ZMYND8: variants seen among roughly 807,000 people sequenced by gnomAD.
ZMYND8 encodes MYND-type zinc finger-containing chromatin reader ZMYND8.
Under a neutral mutation model 140.8 loss-of-function variants are expected in ZMYND8, and 37 were observed. That is an observed-to-expected ratio of 0.26 (90% CI 0.20 to 0.35). ZMYND8 has a LOEUF of 0.35. Among genes scored for constraint, ZMYND8 ranks in the 10% least tolerant of loss-of-function variants. The pLI, the probability that ZMYND8 is intolerant of heterozygous loss-of-function variation, is 1.00. For synonymous variants in ZMYND8, 592 were observed against 597.1 expected, an observed-to-expected ratio of 0.99 and a Z score of 0.12; for missense variants, 1,068 against 1,570.0, an observed-to-expected ratio of 0.68 and a Z score of 5.40.
chr20:47,345,933 T>C (rs995779466), intron 2 of ZMYND8, among the ~76,000 whole-genome samples: 8 of 152,102 alleles, frequency 5.3e-5, no homozygotes, highest in Non-Finnish European at 8.8e-5. Context: ...GCTGGGATGA[T>C]TGGCATGCGC....
At chr20:47,213,290 C>CAA (rs2146775541) in intron 21 of ZMYND8, among the ~76,000 whole-genome samples, 1 of 152,016 alleles carries the variant, frequency 6.6e-6, no homozygotes, top group South Asian at 2.1e-4. Flanking sequence ...AAATCAGAGT[C>CAA]AAAAAACAGT....
chr20:47,262,551 A>G (rs2075232698), intron 11 of ZMYND8, 123 bp from the exon 12 acceptor site: 4 of 1,337,052 alleles, frequency 3.0e-6, no homozygotes, highest in Middle Eastern at 2.5e-4. Context: ...AGGCCGCTAC[A>G]GTATCACGAA....
intron 3 of ZMYND8, among the ~76,000 whole-genome samples, chr20:47,306,322 G>A (rs1371163852): frequency 6.6e-6 from 1 of 152,106 alleles, no homozygotes. Context: ...TTGAGCCGGG[G>A]AGGTCGAGCC....
At chr20:47,321,941 A>G (rs978595908) in intron 2 of ZMYND8, among the ~76,000 whole-genome samples, 1 of 148,984 alleles carries the variant, frequency 6.7e-6, no homozygotes, top group Non-Finnish European at 1.5e-5. Flanking sequence ...GCTCATTGCA[A>G]CCTCAGCCTC....
At chr20:47,352,132 C>T (rs1439142520) in intron 1 of ZMYND8, among the ~76,000 whole-genome samples, 1 of 152,158 alleles carries the variant, frequency 6.6e-6, no homozygotes, top group Non-Finnish European at 1.5e-5. Flanking sequence ...TGTGCAAACA[C>T]AAAAATGTTC....
chr20:47,271,346 T>G (rs1318437934), intron 11 of ZMYND8, among the ~76,000 whole-genome samples: 1 of 152,228 alleles, frequency 6.6e-6, no homozygotes, highest in Non-Finnish European at 1.5e-5. Flanking sequence ...ATGAAAGAGC[T>G]GCTTATCATT....
intron 2 of ZMYND8, among the ~76,000 whole-genome samples, chr20:47,340,266 A>G (rs1217434643): frequency 1.3e-5 from 2 of 151,874 alleles, no homozygotes; most frequent in Non-Finnish European, 2.9e-5. Context: ...TTAAATCTCA[A>G]TGACACCTTG....
intron 14 of ZMYND8, 125 bp from the exon 15 acceptor site, chr20:47,239,263 G>C: frequency 7.7e-7 from 1 of 1,296,058 alleles, no homozygotes; most frequent in Non-Finnish European, 1.0e-6. Context: ...CCAATTCGAC[G>C]TGCCAAGCAC....
intron 21 of ZMYND8, among the ~76,000 whole-genome samples, chr20:47,213,429 AG>A (rs1169050139): frequency 6.6e-6 from 1 of 152,384 alleles, no homozygotes; most frequent in Admixed American, 6.5e-5. Context: ...ATATAATCAC[AG>A]TACACTATGT....
At chr20:47,320,811 G>A (rs1430653928) in intron 2 of ZMYND8, 2 of 152,208 alleles carry the variant, frequency 1.3e-5, no homozygotes, top group Non-Finnish European at 2.9e-5. Flanking sequence ...AGGGCTCATG[G>A]GTGCACAGAA....
At position 47,349,867 on chromosome 20, in the gene ZMYND8, G is replaced by C. The variant is rs746080549; in HGVS notation, c.15-1941C>G. 4 of 1,535,546 alleles carry C rather than the reference G, an allele frequency of 2.6e-6. No individual in the cohort carries two copies. The South Asian group carries it at 4.8e-5, about 18-fold the overall frequency. On this transcript the variant is annotated intron_variant, in intron 1 of 22. Coordinates refer to ENST00000471951, the MANE Select transcript of ZMYND8 (RefSeq NM_001281775.3). Reference sequence around the variant, plus strand: ...TGAGCCAAAAAAAACCCACTTGAAGGATTTCTGCAGCGATGAAAACATTCA... The same window carrying C: ...TGAGCCAAAAAAAACCCACTTGAAGCATTTCTGCAGCGATGAAAACATTCA...
intron 17 of ZMYND8, among the ~76,000 whole-genome samples, chr20:47,229,434 C>T (rs183576092): frequency 2.1e-4 from 32 of 152,242 alleles, no homozygotes; most frequent in Admixed American, 2.0e-3. Context: ...GCCAGTTTTA[C>T]ATGAAGCAAA....
chr20:47,320,445 A>T (rs939044607), intron 2 of ZMYND8: 3 of 152,434 alleles, frequency 2.0e-5, no homozygotes, highest in Admixed American at 6.5e-5. Flanking sequence ...GCGGCTGTGC[A>T]TGGTGGCTCA....
At chr20:47,289,391 CTGTT>C (rs929502397) in intron 7 of ZMYND8, among the ~76,000 whole-genome samples, 3 of 152,204 alleles carry the variant, frequency 2.0e-5, no homozygotes, top group African/African-American at 7.2e-5. Flanking sequence ...TTTGCAAAAA[CTGTT>C]TGGTGAAACG....
chr20:47,212,562 T>TA, intron 22 of ZMYND8, 80 bp downstream of exon 22: 1 of 1,491,654 alleles, frequency 6.7e-7, no homozygotes, highest in Non-Finnish European at 9.3e-7. Context: ...AAGGAACACA[T>TA]ACACGGACAC....
At chr20:47,216,333 A>C (rs2036094626) in intron 21 of ZMYND8, among the ~76,000 whole-genome samples, 1 of 151,570 alleles carries the variant, frequency 6.6e-6, no homozygotes, top group African/African-American at 2.4e-5. Flanking sequence ...GTCTCTATTA[A>C]AAATACAAAA....
intron 12 of ZMYND8, among the ~76,000 whole-genome samples, chr20:47,259,340 G>A (rs1032549106): frequency 6.6e-6 from 1 of 152,126 alleles, no homozygotes; most frequent in African/African-American, 2.4e-5. Flanking sequence ...AGCCCCGAAA[G>A]CAACTGCCCT....
chr20:47,291,457 T>G (rs1216486976), intron 6 of ZMYND8, among the ~76,000 whole-genome samples: 6 of 152,238 alleles, frequency 3.9e-5, no homozygotes, highest in Non-Finnish European at 8.8e-5. Context: ...TCCTTCCTGC[T>G]GCTCTCATTA....
chr20:47,216,232 T>C (rs1037110214), intron 21 of ZMYND8, among the ~76,000 whole-genome samples: 2 of 152,140 alleles, frequency 1.3e-5, no homozygotes, highest in Non-Finnish European at 2.9e-5. Flanking sequence ...CGGTGGCTCA[T>C]GCCTGTAATC....
Sources: gnomAD v4.1 joint callset for allele counts (sites outside exome capture counted in the v4.1 genomes callset) on GRCh38, gnomAD v4.1.1 for gene constraint, MANE v1.5 for transcripts, NCBI Gene and HGNC (gene_info 2026-07-23, HGNC 2026-07-21) for gene names.